SCAND3: variants seen among roughly 807,000 people sequenced by gnomAD.
The protein encoded by SCAND3 is SCAN domain-containing protein 3.
chr6:28,578,942 T>C, the SCAND3 span, among the ~76,000 whole-genome samples: 1 of 152,118 alleles, frequency 6.6e-6, no homozygotes, highest in South Asian at 2.1e-4. Context: ...GTGACAAAAA[T>C]TGTGGTCAGA....
the SCAND3 span, chr6:28,574,572 C>T: frequency 7.4e-7 from 1 of 1,350,748 alleles, no homozygotes; most frequent in South Asian, 1.4e-5. Context: ...CCTTGTCACA[C>T]AACACTTATT....
At chr6:28,582,710 C>G in the SCAND3 span, among the ~76,000 whole-genome samples, 1 of 151,916 alleles carries the variant, frequency 6.6e-6, no homozygotes, top group Admixed American at 6.6e-5. The surrounding 1 kb of genome is among the most constrained non-coding windows in gnomAD (Gnocchi z 4.8). Flanking sequence ...ATCATGAGAT[C>G]AAGAGATCGA....
chr6:28,583,687 T>C, the SCAND3 span, among the ~76,000 whole-genome samples: 3 of 152,226 alleles, frequency 2.0e-5, no homozygotes, highest in Non-Finnish European at 4.4e-5. Flanking sequence ...GCGTTCTGCA[T>C]TGTAGTCATT....
chr6:28,592,533 G>C, the SCAND3 span, among the ~76,000 whole-genome samples: 1 of 152,004 alleles, frequency 6.6e-6, no homozygotes, highest in African/African-American at 2.4e-5. The surrounding 1 kb of genome is among the most constrained non-coding windows in gnomAD (Gnocchi z 4.1). Flanking sequence ...TGCAATCCTT[G>C]TCAAAACTCC....
the SCAND3 span, among the ~76,000 whole-genome samples, chr6:28,607,329 G>C: frequency 6.6e-6 from 1 of 151,954 alleles, no homozygotes; most frequent in Non-Finnish European, 1.5e-5. Flanking sequence ...TCAATTTTCT[G>C]CTTGTCTGTA....
the SCAND3 span, among the ~76,000 whole-genome samples, chr6:28,582,020 C>G: frequency 6.6e-6 from 1 of 152,210 alleles, no homozygotes. The surrounding 1 kb of genome is among the most constrained non-coding windows in gnomAD (Gnocchi z 4.8). Flanking sequence ...ATTTATAACT[C>G]TGACCACATT....
chr6:28,614,789 T>G, the SCAND3 span, among the ~76,000 whole-genome samples: 1 of 152,096 alleles, frequency 6.6e-6, no homozygotes, highest in East Asian at 1.9e-4. Context: ...GAATAAACTG[T>G]ACACATGTAA....
the SCAND3 span, chr6:28,586,823 T>A: frequency 1.0e-6 from 1 of 963,632 alleles, no homozygotes; most frequent in Non-Finnish European, 1.5e-6. This position sits in a 1 kb window ranked among gnomAD's most constrained non-coding sequence, Gnocchi z 4.4. Flanking sequence ...AAGTTTTTGA[T>A]ATAAGAAAAC....
the SCAND3 span, chr6:28,575,000 T>C: frequency 3.1e-6 from 5 of 1,613,978 alleles, no homozygotes; most frequent in Non-Finnish European, 4.2e-6. Flanking sequence ...CCAGTCTCAA[T>C]GTTTTCTTCA....
chr6:28,577,567 A>T, the SCAND3 span, among the ~76,000 whole-genome samples: 1 of 152,224 alleles, frequency 6.6e-6, no homozygotes, highest in East Asian at 1.9e-4. Flanking sequence ...AAAGTTAGTC[A>T]TGAGATGTTC....
At chr6:28,579,395 C>T in the SCAND3 span, 1 of 1,613,970 alleles carries the variant, frequency 6.2e-7, no homozygotes, top group Non-Finnish European at 8.5e-7. The surrounding 1 kb of genome is among the most constrained non-coding windows in gnomAD (Gnocchi z 4.5). Flanking sequence ...ATAGAAACTT[C>T]CTGCCCATAT....
the SCAND3 span, chr6:28,591,599 G>C: frequency 6.6e-6 from 1 of 152,154 alleles, no homozygotes; most frequent in Non-Finnish European, 1.5e-5. Flanking sequence ...ATCTAATCAA[G>C]TTCCTCGTAG....
the SCAND3 span, among the ~76,000 whole-genome samples, chr6:28,596,652 G>A: frequency 1.8e-4 from 27 of 152,102 alleles, no homozygotes; most frequent in African/African-American, 6.3e-4. Flanking sequence ...GCCCACGATG[G>A]AAATCACAAG....
the SCAND3 span, chr6:28,574,503 G>A: frequency 8.2e-6 from 6 of 729,762 alleles, no homozygotes; most frequent in Non-Finnish European, 1.4e-5. Flanking sequence ...AGCATTAAAA[G>A]TAATTAGGCC....
chr6:28,591,741 C>A, the SCAND3 span: 2 of 152,158 alleles, frequency 1.3e-5, no homozygotes, highest in African/African-American at 2.4e-5. Flanking sequence ...GTCTTCCTTG[C>A]CTATTTAACT....
At chr6:28,611,476 T>G in the SCAND3 span, among the ~76,000 whole-genome samples, 1 of 152,248 alleles carries the variant, frequency 6.6e-6, no homozygotes, top group Non-Finnish European at 1.5e-5. Context: ...ATAAATGGAT[T>G]GTTTTACTAC....
At chr6:28,611,364 T>A in the SCAND3 span, among the ~76,000 whole-genome samples, 1 of 152,196 alleles carries the variant, frequency 6.6e-6, no homozygotes, top group African/African-American at 2.4e-5. Context: ...ACTTTCCTCT[T>A]TTCCCTCTTC....
chr6:28,580,587 TA>T, the SCAND3 span, among the ~76,000 whole-genome samples: 1 of 152,252 alleles, frequency 6.6e-6, no homozygotes, highest in Non-Finnish European at 1.5e-5. Flanking sequence ...AATTGCTTTG[TA>T]TAATATAATA....
At chr6:28,589,852 G>T in the SCAND3 span, 7,309 of 117,310 alleles carry the variant, frequency 0.062, 250 homozygotes, top group African/African-American at 0.086. Context: ...TTGTTTTTTT[G>T]TTTGTTTTTT....
Sources: allele counts gnomAD v4.1 joint callset (sites outside exome capture counted in the v4.1 genomes callset), GRCh38; gene constraint gnomAD v4.1.1; non-coding constraint Gnocchi (gnomAD v3.1); transcripts MANE v1.5; gene names NCBI Gene and HGNC (gene_info 2026-07-23, HGNC 2026-07-21).